ZFAND3: variants seen among roughly 807,000 people sequenced by gnomAD.
ZFAND3 encodes zinc finger AN1-type containing 3.
In ZFAND3, 10 loss-of-function variants were observed where a neutral mutation model predicts 29.6. The ratio of observed to expected loss-of-function variants is 0.34; its 90% CI spans 0.21 to 0.57. The LOEUF (loss-of-function observed/expected upper bound fraction) is 0.57, where lower values mean the gene tolerates loss of function less well. Among genes scored for constraint, ZFAND3 ranks in the 20% least tolerant of loss-of-function variants. ZFAND3 has a pLI of 0.86. For synonymous variants in ZFAND3, 128 were observed against 112.6 expected, an observed-to-expected ratio of 1.14 and a Z score of -0.87; for missense variants, 230 against 304.5, an observed-to-expected ratio of 0.76 and a Z score of 1.82.
At chr6:38,128,983 G>A (rs1251826028) in intron 5 of ZFAND3, among the ~76,000 whole-genome samples, 2 of 152,148 alleles carry the variant, frequency 1.3e-5, no homozygotes, top group African/African-American at 4.8e-5. Flanking sequence ...TGCATGCACA[G>A]CAACATCTAT....
intron 1 of ZFAND3, among the ~76,000 whole-genome samples, chr6:37,855,344 G>A (rs529953564): frequency 4.1e-5 from 6 of 147,656 alleles, no homozygotes; most frequent in Admixed American, 1.4e-4. Flanking sequence ...TAGAGATAGC[G>A]TTTCACCATG....
At chr6:38,083,530 G>A (rs1056650476) in intron 4 of ZFAND3, among the ~76,000 whole-genome samples, 3 of 152,120 alleles carry the variant, frequency 2.0e-5, no homozygotes, top group Non-Finnish European at 2.9e-5. Context: ...TTAGCCAGCG[G>A]GAAGTCAGAG....
At chr6:37,978,430 A>G (rs191215312) in intron 2 of ZFAND3, among the ~76,000 whole-genome samples, 1 of 152,166 alleles carries the variant, frequency 6.6e-6, no homozygotes, top group East Asian at 1.9e-4. Context: ...TTATTAGAGT[A>G]CTTCTGAACT....
intron 5 of ZFAND3, among the ~76,000 whole-genome samples, chr6:38,144,180 AT>A: frequency 5.3e-5 from 1 of 18,978 alleles, no homozygotes; most frequent in South Asian, 1.3e-3. Context: ...TGATATATAT[AT>A]ATAATATATA....
At chr6:38,032,241 A>G (rs967220746) in intron 2 of ZFAND3, among the ~76,000 whole-genome samples, 2 of 152,286 alleles carry the variant, frequency 1.3e-5, no homozygotes, top group Non-Finnish European at 2.9e-5. Context: ...TAGTTACAAG[A>G]TTTATATTTT....
rs182084817 is a variant in ZFAND3, at chr6:37,975,824, C to T, written c.112+45825C>T. On this transcript the variant is annotated intron_variant, in intron 2 of 5. Transcript: ENST00000287218. ...ATTCTTGAAATCAGGTAGTGTTAATCCTTCAACTTTATTTTCAGAGTTGTT... is the reference window on the plus strand; with the variant it reads ...ATTCTTGAAATCAGGTAGTGTTAATTCTTCAACTTTATTTTCAGAGTTGTT... 2.6e-5 allele frequency among the ~76,000 whole-genome samples: 4 copies of T among 152,180 alleles called. No homozygotes were observed. The East Asian group carries it at 7.7e-4, about 29-fold the overall frequency.
At chr6:37,859,862 G>GTTTTTTTT (rs55850662) in intron 1 of ZFAND3, among the ~76,000 whole-genome samples, 34 of 133,312 alleles carry the variant, frequency 2.6e-4, no homozygotes, top group Non-Finnish European at 4.1e-4. Context: ...GCTGGAGTGG[G>GTTTTTTTT]TTTTTTTTTT....
intron 4 of ZFAND3, among the ~76,000 whole-genome samples, chr6:38,094,748 C>T (rs1427627087): frequency 2.6e-5 from 4 of 152,122 alleles, no homozygotes; most frequent in Non-Finnish European, 1.5e-5. Context: ...TATCTTCGGT[C>T]GGCTACACTT....
intron 2 of ZFAND3, among the ~76,000 whole-genome samples, chr6:37,967,049 G>A (rs150755111): frequency 0.011 from 1,715 of 152,286 alleles, 20 homozygotes; most frequent in Non-Finnish European, 0.017. Flanking sequence ...TTTGACTGAT[G>A]ACTAATGATG....
intron 4 of ZFAND3, among the ~76,000 whole-genome samples, chr6:38,097,348 A>C (rs1168450031): frequency 6.6e-6 from 1 of 151,170 alleles, no homozygotes; most frequent in African/African-American, 2.4e-5. Flanking sequence ...CTGCCACCCA[A>C]AGTGCTAGAA....
At chr6:38,132,689 C>T (rs1470717093) in intron 5 of ZFAND3, among the ~76,000 whole-genome samples, 1 of 152,190 alleles carries the variant, frequency 6.6e-6, no homozygotes, top group Admixed American at 6.5e-5. Context: ...GCATAAACCC[C>T]ATCAGCAGTT....
intron 4 of ZFAND3, among the ~76,000 whole-genome samples, chr6:38,090,199 A>C (rs1246996980): frequency 6.6e-6 from 1 of 152,084 alleles, no homozygotes; most frequent in East Asian, 1.9e-4. Flanking sequence ...TCACTTTTCA[A>C]ATCTTTCTTG....
At position 37,914,943 on chromosome 6, in the gene ZFAND3, T is replaced by C. The variant is rs557142903; in HGVS notation, c.72-15016T>C. Among the ~76,000 whole-genome samples the C allele has an allele frequency of 2.0e-5, 3 of 152,258 alleles. No homozygotes were observed. In the East Asian group the frequency reaches 5.8e-4, roughly 29 times the overall value. On this transcript the variant is annotated intron_variant, in intron 1 of 5. Transcript: ENST00000287218. Reference sequence around the variant, plus strand: ...GAAACGTTGAAGCCCAGCATTGACTTATCCTTTCTAACTACGAAGTCCTCT... The same window carrying C: ...GAAACGTTGAAGCCCAGCATTGACTCATCCTTTCTAACTACGAAGTCCTCT...
intron 1 of ZFAND3, among the ~76,000 whole-genome samples, chr6:37,907,518 C>T (rs748876708): frequency 6.6e-5 from 10 of 152,078 alleles, no homozygotes; most frequent in Non-Finnish European, 1.0e-4. Context: ...TCTCACTGAA[C>T]GTGTTTTTGT....
At chr6:37,859,793 TTCTG>T (rs1581714408) in intron 1 of ZFAND3, among the ~76,000 whole-genome samples, 1 of 152,072 alleles carries the variant, frequency 6.6e-6, no homozygotes, top group East Asian at 2.0e-4. Context: ...TGATTTATTT[TTCTG>T]TCTTTAAAAA....
chr6:37,948,555 C>CA (rs1761940878), intron 2 of ZFAND3, among the ~76,000 whole-genome samples: 1 of 152,120 alleles, frequency 6.6e-6, no homozygotes, highest in African/African-American at 2.4e-5. Context: ...ACAGATTAGT[C>CA]ACCCAGGTGA....
At chr6:38,144,163 A>G (rs1428875911) in intron 5 of ZFAND3, among the ~76,000 whole-genome samples, 2 of 89,180 alleles carry the variant, frequency 2.2e-5, no homozygotes, top group African/African-American at 1.2e-4. Flanking sequence ...ACCTTGCTAG[A>G]AAAATGTGAT....
chr6:38,083,106 A>G (rs975993309), intron 4 of ZFAND3, among the ~76,000 whole-genome samples: 19 of 152,202 alleles, frequency 1.2e-4, no homozygotes, highest in African/African-American at 4.1e-4. Flanking sequence ...CTCAAGGATT[A>G]TATTTGGAAG....
At chr6:38,128,808 T>C (rs1765687223) in intron 5 of ZFAND3, among the ~76,000 whole-genome samples, 1 of 152,230 alleles carries the variant, frequency 6.6e-6, no homozygotes, top group Non-Finnish European at 1.5e-5. Context: ...TAAACATCCA[T>C]GTGCAAGTAT....
Sources: gnomAD v4.1 joint callset for allele counts (sites outside exome capture counted in the v4.1 genomes callset) on GRCh38, gnomAD v4.1.1 for gene constraint, MANE v1.5 for transcripts, NCBI Gene and HGNC (gene_info 2026-07-23, HGNC 2026-07-21) for gene names.